Variants in BAZ2B observed in about 807,000 individuals in gnomAD.
BAZ2B encodes bromodomain adjacent to zinc finger domain protein 2B.
In BAZ2B, 91 loss-of-function variants were observed where a neutral mutation model predicts 246.0. That is an observed-to-expected ratio of 0.37 (90% confidence interval 0.31 to 0.44). BAZ2B has a LOEUF of 0.44. BAZ2B is among the 20% of genes least tolerant of loss of function. The pLI, the probability that BAZ2B is intolerant of heterozygous loss-of-function variation, is 1.00. For missense variants in BAZ2B, 2,332 were observed against 2,533.7 expected (o/e 0.92, Z 1.71); for synonymous variants, 855 against 860.0 (o/e 0.99, Z 0.10).
chr2:159,316,689 C>CAAAAAAA (rs765748671), downstream of BAZ2B, among the ~76,000 whole-genome samples: 246 of 36,228 alleles, frequency 6.8e-3, 1 homozygote, highest in Non-Finnish European at 8.3e-3. Flanking sequence ...GACTCCATCT[C>CAAAAAAA]AAAAAAAAAA....
intron 2 of BAZ2B, among the ~76,000 whole-genome samples, chr2:159,481,892 C>T (rs1232783512): frequency 6.6e-6 from 1 of 151,502 alleles, no homozygotes; most frequent in Admixed American, 6.6e-5. Flanking sequence ...ATGTGGGATC[C>T]TAAGTTGGAT....
chr2:159,687,833 C>T, the BAZ2B span, among the ~76,000 whole-genome samples: 2 of 152,116 alleles, frequency 1.3e-5, no homozygotes, highest in African/African-American at 4.8e-5. Flanking sequence ...GGACTAAGCC[C>T]TACTTAGCCT....
chr2:159,347,345 A>C (rs1264810027), intron 31 of BAZ2B, 141 bp downstream of exon 31: 1 of 1,036,252 alleles, frequency 9.7e-7, no homozygotes. Flanking sequence ...AGATGGGGCA[A>C]ATTAATCCAG....
chr2:159,389,194 T>C, intron 21 of BAZ2B, 151 bp downstream of exon 21: 2 of 774,718 alleles, frequency 2.6e-6, no homozygotes, highest in Non-Finnish European at 3.8e-6. Flanking sequence ...TCTAGCTATC[T>C]AGGAAAGGCA....
At chr2:159,528,681 C>CAAA (rs34432207) in intron 2 of BAZ2B, among the ~76,000 whole-genome samples, 4 of 92,406 alleles carry the variant, frequency 4.3e-5, no homozygotes, top group African/African-American at 1.2e-4. Flanking sequence ...AACTCTGTCT[C>CAAA]AAAAAAAAAA....
chr2:159,362,774 G>C (rs1279226771), intron 27 of BAZ2B, among the ~76,000 whole-genome samples: 1 of 152,208 alleles, frequency 6.6e-6, no homozygotes, highest in Admixed American at 6.5e-5. Flanking sequence ...AGGGTTTCCA[G>C]TGGCTTGAAA....
At chr2:159,415,474 C>T (rs1486876182) in intron 13 of BAZ2B, among the ~76,000 whole-genome samples, 3 of 149,592 alleles carry the variant, frequency 2.0e-5, no homozygotes, top group Non-Finnish European at 3.0e-5. Context: ...CTGCTTAGCA[C>T]ATAAATACAT....
intron 14 of BAZ2B, among the ~76,000 whole-genome samples, chr2:159,407,043 C>T (rs567934096): frequency 3.9e-5 from 6 of 152,004 alleles, no homozygotes; most frequent in South Asian, 4.2e-4. Flanking sequence ...CGTGAGCCAG[C>T]GTGCCCGGCC....
chr2:159,698,609 T>A, the BAZ2B span, among the ~76,000 whole-genome samples: 1 of 151,784 alleles, frequency 6.6e-6, no homozygotes, highest in African/African-American at 2.4e-5. Flanking sequence ...ACTGCCTACT[T>A]TTTCTCCTCA....
the BAZ2B span, among the ~76,000 whole-genome samples, chr2:159,659,515 T>A: frequency 6.6e-6 from 1 of 152,028 alleles, no homozygotes; most frequent in African/African-American, 2.4e-5. Flanking sequence ...AAACTGGGGG[T>A]TTTCCCCACC....
intron 23 of BAZ2B, 31 bp from the exon 24 acceptor site, chr2:159,383,711 AAATT>A (rs762915147): frequency 2.0e-5 from 32 of 1,567,120 alleles, no homozygotes; most frequent in Middle Eastern, 1.7e-4. Flanking sequence ...TAAAAAGTGT[AAATT>A]AATCAATTTA....
intron 1 of BAZ2B, among the ~76,000 whole-genome samples, chr2:159,590,468 A>G (rs1377190058): frequency 1.3e-5 from 2 of 151,596 alleles, no homozygotes; most frequent in Non-Finnish European, 2.9e-5. Flanking sequence ...GTGGGCGCCT[A>G]TAATCTCAGC....
intron 1 of BAZ2B, among the ~76,000 whole-genome samples, chr2:159,606,184 C>G (rs1016193165): frequency 1.2e-4 from 19 of 152,296 alleles, no homozygotes; most frequent in Middle Eastern, 6.8e-3. Context: ...TAACAATGCT[C>G]CACTCTGACT....
chr2:159,646,087 G>C, the BAZ2B span, among the ~76,000 whole-genome samples: 2 of 152,150 alleles, frequency 1.3e-5, no homozygotes, highest in African/African-American at 4.8e-5. Flanking sequence ...ATAAGCCTGA[G>C]AGCACTATGG....
chr2:159,404,174 C>A (rs570802156), intron 16 of BAZ2B, among the ~76,000 whole-genome samples: 1 of 152,062 alleles, frequency 6.6e-6, no homozygotes, highest in African/African-American at 2.4e-5. Flanking sequence ...TTAATGTTAC[C>A]ATGAATATGA....
chr2:159,352,259 C>G (rs1311209186), intron 27 of BAZ2B, among the ~76,000 whole-genome samples: 1 of 152,116 alleles, frequency 6.6e-6, no homozygotes, highest in Non-Finnish European at 1.5e-5. Flanking sequence ...TGACTGGCTC[C>G]TTATCCTTCA....
intron 17 of BAZ2B, among the ~76,000 whole-genome samples, chr2:159,400,199 C>T (rs1298585460): frequency 6.6e-6 from 1 of 152,156 alleles, no homozygotes; most frequent in Admixed American, 6.5e-5. Context: ...TCTGATAAAA[C>T]TTTGCACATT....
At chr2:159,504,898 A>C (rs933295526) in intron 2 of BAZ2B, among the ~76,000 whole-genome samples, 3 of 152,240 alleles carry the variant, frequency 2.0e-5, no homozygotes, top group Non-Finnish European at 4.4e-5. Flanking sequence ...TCTCTAGTTC[A>C]ATCTGTATAT....
chr2:159,461,003 T>C (rs1266533756), intron 3 of BAZ2B: 1 of 152,580 alleles, frequency 6.6e-6, no homozygotes, highest in Non-Finnish European at 1.5e-5. Context: ...ATGGATAGTA[T>C]GGATGACAAA....
Sources: gnomAD v4.1 joint callset for allele counts (sites outside exome capture counted in the v4.1 genomes callset) on GRCh38, gnomAD v4.1.1 for gene constraint, MANE v1.5 for transcripts, NCBI Gene and HGNC (gene_info 2026-07-23, HGNC 2026-07-21) for gene names.